The following IMPDH2 variants were observed in gnomAD, a reference collection of about 807,000 sequenced individuals.
The protein encoded by IMPDH2 is inosine monophosphate dehydrogenase 2.
Under a neutral mutation model 57.8 loss-of-function variants are expected in IMPDH2, and 33 were observed. The ratio of observed to expected loss-of-function variants is 0.57; its 90% CI spans 0.43 to 0.76. The LOEUF (loss-of-function observed/expected upper bound fraction) is 0.76. IMPDH2 is among the 30% of genes least tolerant of loss of function. The probability of loss-of-function intolerance (pLI) is 0.00; values close to 1 mark genes in which losing one functional copy is unlikely to be tolerated. For synonymous variants in IMPDH2, 270 were observed against 241.3 expected, an observed-to-expected ratio of 1.12 and a Z score of -1.10; for missense variants, 446 against 659.1, an observed-to-expected ratio of 0.68 and a Z score of 3.54.
chr3:49,028,245 G>C lies in IMPDH2; in HGVS notation c.324+3C>G. 1 of 1,613,524 alleles carries C rather than the reference G, an allele frequency of 6.2e-7. No homozygotes were observed. The highest frequency in any genetic ancestry group is 1.1e-5 in the South Asian group (1 of 91,068). On this transcript the variant is annotated splice_donor_region_variant and intron_variant, in intron 4 of 13. Coordinates refer to ENST00000326739, the MANE Select transcript of IMPDH2 (RefSeq NM_000884.3). The stretch of plus-strand genomic sequence containing the variant: ...GCTTGCTAATGATCGTTGCCCTTCT[G>C]ACCTTCACTTTCCGAACTTCATTGG...
chr3:49,028,672 A>T (rs1333861158), intron 2 of IMPDH2, 86 bp downstream of exon 2: 34 of 1,393,650 alleles, frequency 2.4e-5, no homozygotes, highest in Non-Finnish European at 3.5e-5. Flanking sequence ...CCCCAAGCCC[A>T]ATCTGGTGAG....
chr3:49,027,192 C>T (rs1449680022), intron 5 of IMPDH2, 145 bp from the exon 6 acceptor site: 3 of 688,022 alleles, frequency 4.4e-6, no homozygotes, highest in South Asian at 1.6e-5. Context: ...GACGGGGTTT[C>T]ACCATGTTGG....
intron 4 of IMPDH2, 143 bp from the exon 5 acceptor site, chr3:49,028,059 G>A: frequency 1.4e-5 from 11 of 793,958 alleles, no homozygotes; most frequent in South Asian, 4.7e-5. Flanking sequence ...AGAGACATGG[G>A]TAGGCTGGAG....
intron 9 of IMPDH2, chr3:49,025,982 G>C (rs764450658): frequency 8.4e-6 from 4 of 473,898 alleles, no homozygotes; most frequent in African/African-American, 7.9e-5. Context: ...CCAGTGGGCC[G>C]GGCTGGACTT....
chr3:49,028,619 A>G, intron 2 of IMPDH2, 87 bp from the exon 3 acceptor site: 1 of 1,302,100 alleles, frequency 7.7e-7, no homozygotes, highest in Non-Finnish European at 1.1e-6. Flanking sequence ...GCACTTTTGT[A>G]TGACCTGCAT....
At position 49,029,367 on chromosome 3, in the gene IMPDH2, C is replaced by G. The variant is rs202072822; in HGVS notation, c.-17G>C. On this transcript the variant is annotated 5_prime_UTR_variant, in exon 1 of 14. Transcript: ENST00000326739. ...GTCGGCCATGGCCAACACAGGACAC[C>G]GCCGCGTGTCTCCGAGGACCGCGCC... The G allele has an allele frequency of 1.7e-5, 26 of 1,541,552 alleles. No individual in the cohort carries two copies. Among genetic ancestry groups the G allele is most frequent in the Non-Finnish European group, 1.9e-5 (22 of 1,129,776 alleles).
At position 49,024,641 on chromosome 3, in the gene IMPDH2, C is replaced by G. The variant is rs772797940; in HGVS notation, c.1439+18G>C. ...CTGGACCAGCCCCTCTACCCATGTC[C>G]CAGCTCCCCAAGCTCACCGGACTTG... On this transcript the variant is annotated intron_variant, in intron 12 of 13. Coordinates refer to ENST00000326739, the MANE Select transcript of IMPDH2 (RefSeq NM_000884.3). 5.0e-6 allele frequency: 8 copies of G among 1,614,092 alleles called. No homozygotes were observed. In the East Asian group the frequency reaches 8.9e-5, roughly 18 times the overall value.
chr3:49,024,333 T>C lies in IMPDH2; in HGVS notation c.*50A>G, dbSNP rs781777709. 30 of 1,606,850 alleles carry C rather than the reference T, an allele frequency of 1.9e-5. No homozygotes were observed. The South Asian group carries it at 3.1e-4, about 17-fold the overall frequency. ...GAAAGATCAGGCATCACTTTTTTCTTTCTAAACTTTTATTGAAAAAAAAAC... is the reference window on the plus strand; with the variant it reads ...GAAAGATCAGGCATCACTTTTTTCTCTCTAAACTTTTATTGAAAAAAAAAC... On this transcript the variant is annotated 3_prime_UTR_variant, in exon 14 of 14. Coordinates refer to ENST00000326739, the MANE Select transcript of IMPDH2 (RefSeq NM_000884.3).
intron 5 of IMPDH2, 150 bp downstream of exon 5, chr3:49,027,560 G>A (rs2093204684): frequency 3.0e-6 from 2 of 672,238 alleles, no homozygotes; most frequent in Middle Eastern, 3.9e-4. Flanking sequence ...GTGGGGAAAG[G>A]ATGCAGGAAC....
chr3:49,028,052 G>A (rs1289856704), intron 4 of IMPDH2, 136 bp from the exon 5 acceptor site: 2 of 807,744 alleles, frequency 2.5e-6, no homozygotes, highest in Admixed American at 2.1e-5. Context: ...ACATCTTAGA[G>A]ACATGGGTAG....
chr3:49,027,203 C>A (rs1415378792), intron 5 of IMPDH2, among the ~76,000 whole-genome samples, 156 bp from the exon 6 acceptor site: 1 of 152,172 alleles, frequency 6.6e-6, no homozygotes. Context: ...ACCATGTTGG[C>A]CAGGCTGGTC....
At chr3:49,028,591 T>C in intron 2 of IMPDH2, 59 bp from the exon 3 acceptor site, 2 of 1,439,952 alleles carry the variant, frequency 1.4e-6, no homozygotes, top group Non-Finnish European at 2.0e-6. Context: ...AAGGTGTTAC[T>C]GAGTCCCCCA....
chr3:49,027,448 G>A (rs1033006875), intron 5 of IMPDH2, among the ~76,000 whole-genome samples: 1 of 152,194 alleles, frequency 6.6e-6, no homozygotes. Flanking sequence ...AGGAACAATG[G>A]CAAGAAAATC....
Position 49,025,052 on chromosome 3 carries a change from T to TG in IMPDH2, c.1151-13dup. 6.2e-7 allele frequency: 1 copy of TG among 1,614,208 alleles called. No homozygotes were observed. The highest frequency in any genetic ancestry group is 8.5e-7 in the Non-Finnish European group (1 of 1,180,026). ...AGAGCCCATCATGACTGCGGACAGA[T>TG]GGAGTGCTTGGGTTAGAGCCTAAGC... On this transcript the variant is annotated splice_polypyrimidine_tract_variant and intron_variant, in intron 10 of 13. Transcript: ENST00000326739.
chr3:49,028,868 TC>T (rs1172268862), intron 1 of IMPDH2, 62 bp from the exon 2 acceptor site: 5 of 1,316,768 alleles, frequency 3.8e-6, no homozygotes, highest in Non-Finnish European at 2.2e-6. Context: ...TGAGACTCCA[TC>T]CCCATGTACC....
At chr3:49,027,256 A>G (rs1029297737) in intron 5 of IMPDH2, among the ~76,000 whole-genome samples, 12 of 152,174 alleles carry the variant, frequency 7.9e-5, no homozygotes, top group African/African-American at 2.9e-4. Flanking sequence ...AGTCTCCCAA[A>G]GTACTGAGAT....
rs1450833802 is a variant in IMPDH2 at position 49,025,056 on chromosome 3, G to C, written c.1151-16C>G. The C allele has an allele frequency of 6.2e-7, 1 of 1,614,264 alleles. No individual in the cohort carries two copies. ...CCCATCATGACTGCGGACAGATGGA[G>C]TGCTTGGGTTAGAGCCTAAGCAGCA... On this transcript the variant is annotated splice_polypyrimidine_tract_variant and intron_variant, in intron 10 of 13. Transcript: ENST00000326739.
intron 4 of IMPDH2, 66 bp downstream of exon 4, chr3:49,028,182 C>A: frequency 7.7e-7 from 1 of 1,302,242 alleles, no homozygotes. Flanking sequence ...TAAACCCCTA[C>A]TCCCACCCCA....
rs760922337 is a variant in IMPDH2, at chr3:49,025,158, A to G, written c.1118T>C (p.Ile373Thr). 8.1e-6 allele frequency: 13 copies of G among 1,614,086 alleles called. No homozygotes were observed. Among genetic ancestry groups the G allele is most frequent in the African/African-American group, 6.7e-5 (5 of 74,942 alleles). ...ADGGIQNVGH[I>T]AKALALGAST... Reference sequence around the variant, plus strand: ...GGCCCCAAGGGCCAAGGCTTTCGCAATATGACCCACATTTTGGATTCCTCC... The same window carrying G: ...GGCCCCAAGGGCCAAGGCTTTCGCAGTATGACCCACATTTTGGATTCCTCC... Residue 373 changes from isoleucine (I) to threonine (T), a missense_variant, in exon 10 of 14, where the codon ATT becomes ACT. Transcript: ENST00000326739.
Sources: gnomAD v4.1 joint callset for allele counts (sites outside exome capture counted in the v4.1 genomes callset) on GRCh38, gnomAD v4.1.1 for gene constraint, MANE v1.5 for transcripts, NCBI Gene and HGNC (gene_info 2026-07-23, HGNC 2026-07-21) for gene names.